Variants in NAV3 observed in about 807,000 individuals in gnomAD.
NAV3 encodes pore membrane and/or filament interacting like protein 1.
NAV3 carries 87 observed loss-of-function variants against 244.7 expected under a neutral mutation model. The observed-to-expected ratio is 0.36, with a 90% CI of 0.30 to 0.42. The LOEUF (loss-of-function observed/expected upper bound fraction) is 0.42, where lower values mean the gene tolerates loss of function less well. Ranked by LOEUF, NAV3 falls within the 20% of genes least tolerant of loss-of-function variation. The probability of loss-of-function intolerance (pLI) is 1.00; values close to 1 mark genes in which losing one functional copy is unlikely to be tolerated. For synonymous variants in NAV3, 1,126 were observed against 1,042.2 expected, an observed-to-expected ratio of 1.08 and a Z score of -1.55; for missense variants, 2,663 against 2,893.3, an observed-to-expected ratio of 0.92 and a Z score of 1.83.
At chr12:77,795,702 A>G (rs1355904300) in intron 2 of NAV3, among the ~76,000 whole-genome samples, 1 of 152,166 alleles carries the variant, frequency 6.6e-6, no homozygotes, top group Non-Finnish European at 1.5e-5. Context: ...GGCTGACTCT[A>G]ACGTTAAGGG....
At position 77,942,746 on chromosome 12, in the gene NAV3, T is replaced by A. The variant is rs530855179; in HGVS notation, c.414+1613T>A. On this transcript the variant is annotated intron_variant, in intron 3 of 39. Transcript: ENST00000397909. Reference sequence around the variant, plus strand: ...TTAATTAGAATGTGACAATGAGATATGTATGTGAACATCCTTTATTAACAC... The same window carrying A: ...TTAATTAGAATGTGACAATGAGATAAGTATGTGAACATCCTTTATTAACAC... Among the ~76,000 whole-genome samples, 30 of 152,352 alleles carry A rather than the reference T, an allele frequency of 2.0e-4. No homozygotes were observed. In the South Asian group the frequency reaches 2.7e-3, roughly 14 times the overall value.
intron 2 of NAV3, among the ~76,000 whole-genome samples, chr12:77,633,630 A>C (rs1012259376): frequency 6.6e-5 from 10 of 152,110 alleles, no homozygotes; most frequent in African/African-American, 2.4e-4. Context: ...ACTTAAATCC[A>C]AAAAAATACT....
chr12:77,719,072 T>G (rs1179823149), intron 2 of NAV3, among the ~76,000 whole-genome samples: 1 of 152,210 alleles, frequency 6.6e-6, no homozygotes, highest in Non-Finnish European at 1.5e-5. Context: ...TTATTCTTTT[T>G]GGTACTATTG....
intron 8 of NAV3, among the ~76,000 whole-genome samples, chr12:78,011,322 C>G (rs185311091): frequency 6.6e-6 from 1 of 152,092 alleles, no homozygotes; most frequent in African/African-American, 2.4e-5. Context: ...ACAGAAGATA[C>G]AAAGATTTTT....
chr12:78,154,360 A>G lies in NAV3; in HGVS notation c.4786-4843A>G, dbSNP rs201325204. ...ATAGTAATATATTACTATATAATAT[A>G]TAAATATATGTGTGTATATATATAT... On this transcript the variant is annotated intron_variant, in intron 22 of 39. Transcript: ENST00000397909. Among the ~76,000 whole-genome samples the G allele has an allele frequency of 6.4e-5, 9 of 140,670 alleles. No homozygotes were observed. The East Asian group carries it at 1.6e-3, about 25-fold the overall frequency. The allele number at this position is 140,670 out of a possible 152,430, so 92.3% of individuals were successfully genotyped here. A position where few individuals can be genotyped will look rare whatever the true frequency, so the allele number is the denominator to read the frequency against.
intron 2 of NAV3, among the ~76,000 whole-genome samples, chr12:77,773,967 A>C (rs1870227211): frequency 6.6e-6 from 1 of 152,156 alleles, no homozygotes; most frequent in African/African-American, 2.4e-5. Flanking sequence ...TATACTTTTT[A>C]TTATGTGCCA....
chr12:77,947,596 T>C (rs1218851740), intron 3 of NAV3: 2 of 151,988 alleles, frequency 1.3e-5, no homozygotes, highest in Non-Finnish European at 2.9e-5. Flanking sequence ...CCCTTGACTT[T>C]GAAAATATTC....
intron 6 of NAV3, among the ~76,000 whole-genome samples, chr12:77,996,836 T>C (rs1872423944): frequency 6.6e-6 from 1 of 152,198 alleles, no homozygotes; most frequent in Non-Finnish European, 1.5e-5. Flanking sequence ...GAATTCTTGT[T>C]TTCCTTTCAA....
chr12:78,188,520 A>C, intron 32 of NAV3, 89 bp from the exon 33 acceptor site: 2 of 1,333,806 alleles, frequency 1.5e-6, no homozygotes, highest in Non-Finnish European at 2.1e-6. Flanking sequence ...TATTCTTGAC[A>C]ACTAGCTCTA....
intron 3 of NAV3, among the ~76,000 whole-genome samples, chr12:77,945,759 A>T (rs980036504): frequency 5.9e-5 from 9 of 151,670 alleles, no homozygotes; most frequent in Non-Finnish European, 1.0e-4. Flanking sequence ...TATTATTATT[A>T]TTTTTTGAGA....
chr12:77,980,326 T>C (rs1265980233), intron 5 of NAV3, among the ~76,000 whole-genome samples: 1 of 152,184 alleles, frequency 6.6e-6, no homozygotes, highest in Non-Finnish European at 1.5e-5. Context: ...GATTATATTT[T>C]CTTTGCATTA....
intron 1 of NAV3, among the ~76,000 whole-genome samples, chr12:77,833,553 G>C (rs779330096): frequency 6.6e-6 from 1 of 152,208 alleles, no homozygotes; most frequent in African/African-American, 2.4e-5. Context: ...CTAGGGTTGA[G>C]TATTTACAGC....
At chr12:77,940,985 G>T (rs1889812344) in intron 2 of NAV3, 96 bp from the exon 3 acceptor site, 3 of 804,144 alleles carry the variant, frequency 3.7e-6, no homozygotes, top group Non-Finnish European at 6.2e-6. Context: ...TTTTTGCTTG[G>T]TATTTTTTTT....
At chr12:77,640,508 G>A (rs1043668742) in intron 2 of NAV3, among the ~76,000 whole-genome samples, 1 of 152,176 alleles carries the variant, frequency 6.6e-6, no homozygotes, top group East Asian at 1.9e-4. Flanking sequence ...ATGCATATAA[G>A]TGATATCATA....
intron 2 of NAV3, among the ~76,000 whole-genome samples, chr12:77,691,342 T>TATATATATATATATAC (rs1565774084): frequency 2.2e-5 from 3 of 133,380 alleles, no homozygotes; most frequent in African/African-American, 8.1e-5. Flanking sequence ...TGTGTGTATA[T>TATATATATATATATAC]ATATATATAT....
intron 7 of NAV3, among the ~76,000 whole-genome samples, chr12:78,005,314 T>TA (rs1047088827): frequency 6.6e-6 from 1 of 152,182 alleles, no homozygotes; most frequent in Admixed American, 6.5e-5. Context: ...GAAAGTTCAG[T>TA]AAAAAATGTT....
intron 9 of NAV3, among the ~76,000 whole-genome samples, chr12:78,027,470 G>C (rs1878263838): frequency 6.6e-6 from 1 of 151,712 alleles, no homozygotes; most frequent in African/African-American, 2.4e-5. Context: ...GGGGCCGGGG[G>C]AGAAGAATAA....
intron 2 of NAV3, among the ~76,000 whole-genome samples, chr12:77,738,317 T>A (rs1868261701): frequency 6.6e-6 from 1 of 152,232 alleles, no homozygotes; most frequent in African/African-American, 2.4e-5. Flanking sequence ...AACCTCTCTG[T>A]GCTTCAGTTC....
chr12:77,916,863 T>C (rs1478574966), intron 1 of NAV3, among the ~76,000 whole-genome samples: 19 of 152,120 alleles, frequency 1.2e-4, no homozygotes, highest in Admixed American at 1.2e-3. Flanking sequence ...TGATGAAGTT[T>C]TTAATGTGAA....
Sources: gnomAD v4.1 joint callset for allele counts (sites outside exome capture counted in the v4.1 genomes callset) on GRCh38, gnomAD v4.1.1 for gene constraint, MANE v1.5 for transcripts, NCBI Gene and HGNC (gene_info 2026-07-23, HGNC 2026-07-21) for gene names.